The following GUCY1A1 variants were observed in gnomAD, a reference collection of about 807,000 sequenced individuals.
GUCY1A1 encodes guanylate cyclase 1 soluble subunit alpha 1.
Under a neutral mutation model 64.5 loss-of-function variants are expected in GUCY1A1, and 48 were observed. The ratio of observed to expected loss-of-function variants is 0.74; its 90% CI spans 0.59 to 0.95. The LOEUF is 0.95. Among genes scored for constraint, GUCY1A1 ranks in the 40% least tolerant of loss-of-function variants. GUCY1A1 has a pLI of 0.00. For synonymous variants in GUCY1A1, 308 were observed against 303.4 expected (o/e 1.02, Z -0.16); for missense variants, 804 against 825.3 (o/e 0.97, Z 0.32).
At chr4:155,677,990 A>T (rs1185152960) in intron 2 of GUCY1A1, among the ~76,000 whole-genome samples, 1 of 152,128 alleles carries the variant, frequency 6.6e-6, no homozygotes, top group African/African-American at 2.4e-5. Context: ...AAGACCAAGA[A>T]AAACTTCAAG....
At chr4:155,707,997 C>T (rs1732025789) in intron 4 of GUCY1A1, among the ~76,000 whole-genome samples, 1 of 152,040 alleles carries the variant, frequency 6.6e-6, no homozygotes, top group African/African-American at 2.4e-5. Flanking sequence ...CGCCACCATG[C>T]CCAGCTAATT....
rs1335342592 is a variant in GUCY1A1 at position 155,710,625 on chromosome 4, G to A, written c.460G>A (p.Val154Met). 4 of 1,613,548 alleles carry A rather than the reference G, an allele frequency of 2.5e-6. No individual in the cohort carries two copies. The highest frequency in any genetic ancestry group is 3.4e-6 in the Non-Finnish European group (4 of 1,179,530). Residue 154 changes from valine to methionine, a missense_variant, in exon 6 of 10, where the codon GTG (valine) becomes ATG (methionine). Val to Met is a conservative substitution (Grantham distance 21, BLOSUM62 1). Coordinates refer to ENST00000506455, the MANE Select transcript of GUCY1A1 (RefSeq NM_001130682.3). ...CYEEDENILGVVGGTLKDFLN... is the reference protein window; with the variant it reads ...CYEEDENILGMVGGTLKDFLN... ...CGAGGAAGATGAAAACATCCTTGGG[G>A]TGGTTGGAGGCACCCTTAAAGATTT...
At position 155,729,962 on chromosome 4, in the gene GUCY1A1, T is replaced by C. The variant is rs3796577; in HGVS notation, c.1872-68T>C. The C allele has an allele frequency of 4.5e-5, 41 of 910,768 alleles. No homozygotes were observed. In the East Asian group the frequency reaches 9.4e-4, roughly 21 times the overall value. The allele number at this position is 910,768 out of a possible 1,614,324, so 56.4% of individuals were successfully genotyped here. A position where few individuals can be genotyped will look rare whatever the true frequency, so the allele number is the denominator to read the frequency against. ...ATAAATATTCTCAGTAACATTCAGTTAGTTATGTTGTGTTCTTTTTTTGAG... is the reference window on the plus strand; with the variant it reads ...ATAAATATTCTCAGTAACATTCAGTCAGTTATGTTGTGTTCTTTTTTTGAG... On this transcript the variant is annotated intron_variant, in intron 9 of 9. Coordinates refer to ENST00000506455, the MANE Select transcript of GUCY1A1 (RefSeq NM_001130682.3).
intron 2 of GUCY1A1, among the ~76,000 whole-genome samples, chr4:155,680,186 A>G (rs999938314): frequency 6.6e-6 from 1 of 152,154 alleles, no homozygotes; most frequent in Non-Finnish European, 1.5e-5. Flanking sequence ...ATCTCTCCAT[A>G]TATTTAGACC....
chr4:155,672,248 C>T (rs772820300), intron 2 of GUCY1A1, among the ~76,000 whole-genome samples: 2 of 152,058 alleles, frequency 1.3e-5, no homozygotes, highest in Non-Finnish European at 2.9e-5. Context: ...CCATTTTCAC[C>T]AATTTAGAGG....
chr4:155,702,600 T>C (rs1163195991), intron 3 of GUCY1A1, among the ~76,000 whole-genome samples: 3 of 152,200 alleles, frequency 2.0e-5, no homozygotes, highest in African/African-American at 7.2e-5. Context: ...AGCTTTTCTT[T>C]CATCCTGTGG....
intron 2 of GUCY1A1, among the ~76,000 whole-genome samples, chr4:155,675,039 C>T (rs1443426843): frequency 1.3e-5 from 2 of 151,464 alleles, no homozygotes; most frequent in East Asian, 3.8e-4. Flanking sequence ...GGGAATTTTT[C>T]AGCCCCATTA....
At chr4:155,687,812 G>GC (rs1729189088) in intron 2 of GUCY1A1, among the ~76,000 whole-genome samples, 1 of 152,134 alleles carries the variant, frequency 6.6e-6, no homozygotes, top group African/African-American at 2.4e-5. Context: ...CAACTCCACT[G>GC]CCTCAGGGAA....
At chr4:155,668,499 G>A (rs919672265) in intron 2 of GUCY1A1, among the ~76,000 whole-genome samples, 2 of 152,046 alleles carry the variant, frequency 1.3e-5, no homozygotes, top group African/African-American at 4.8e-5. Context: ...TTCACTAAAT[G>A]CCTATTTAAT....
At chr4:155,682,988 T>C (rs1736020354) in intron 2 of GUCY1A1, among the ~76,000 whole-genome samples, 1 of 152,160 alleles carries the variant, frequency 6.6e-6, no homozygotes, top group Non-Finnish European at 1.5e-5. Context: ...TTTATTGAGA[T>C]TAGTTAATAT....
chr4:155,718,394 T>C (rs1368781613), intron 8 of GUCY1A1, among the ~76,000 whole-genome samples: 3 of 152,206 alleles, frequency 2.0e-5, no homozygotes, highest in South Asian at 2.1e-4. Context: ...TATGTTTCTG[T>C]GCAACATACT....
chr4:155,716,373 C>A (rs570305366), intron 7 of GUCY1A1, among the ~76,000 whole-genome samples: 1 of 152,050 alleles, frequency 6.6e-6, no homozygotes, highest in Non-Finnish European at 1.5e-5. Context: ...AAAAATGAAG[C>A]TCTTAGAATT....
intron 8 of GUCY1A1, among the ~76,000 whole-genome samples, chr4:155,721,091 T>C (rs6838927): frequency 0.4 from 60,207 of 151,776 alleles, 12,160 homozygotes; most frequent in African/African-American, 0.47. Flanking sequence ...TAGCAAGACC[T>C]TGTCTCTACA....
At chr4:155,713,791 G>T (rs1314821351) in intron 7 of GUCY1A1, among the ~76,000 whole-genome samples, 1 of 152,122 alleles carries the variant, frequency 6.6e-6, no homozygotes, top group Non-Finnish European at 1.5e-5. Context: ...AGAGATAATT[G>T]TTCTGGGAGG....
At chr4:155,677,487 T>A (rs1313012932) in intron 2 of GUCY1A1, among the ~76,000 whole-genome samples, 1 of 152,196 alleles carries the variant, frequency 6.6e-6, no homozygotes, top group Admixed American at 6.5e-5. Context: ...CAGTCCTAGA[T>A]AGTGCAGCCG....
chr4:155,722,503 T>C, intron 9 of GUCY1A1: 3 of 1,035,190 alleles, frequency 2.9e-6, no homozygotes, highest in African/African-American at 3.4e-5. Flanking sequence ...TGACATCAAC[T>C]AGTACACTGC....
At chr4:155,679,731 C>A (rs1037922993) in intron 2 of GUCY1A1, among the ~76,000 whole-genome samples, 1 of 152,200 alleles carries the variant, frequency 6.6e-6, no homozygotes, top group African/African-American at 2.4e-5. Context: ...TGGCATGGTC[C>A]ATTAAGATTT....
intron 2 of GUCY1A1, among the ~76,000 whole-genome samples, chr4:155,681,213 C>T (rs1735712624): frequency 6.6e-6 from 1 of 152,132 alleles, no homozygotes; most frequent in Non-Finnish European, 1.5e-5. Flanking sequence ...GCTTGTCTCA[C>T]TTGTTCTCAT....
intron 2 of GUCY1A1, among the ~76,000 whole-genome samples, chr4:155,688,943 T>C (rs1006398049): frequency 6.6e-6 from 1 of 151,824 alleles, no homozygotes; most frequent in Non-Finnish European, 1.5e-5. Context: ...TAAGACAGCC[T>C]TGAGTCTGCT....
Sources: gnomAD v4.1 joint callset for allele counts (sites outside exome capture counted in the v4.1 genomes callset) on GRCh38, gnomAD v4.1.1 for gene constraint, MANE v1.5 for transcripts, NCBI Gene and HGNC (gene_info 2026-07-23, HGNC 2026-07-21) for gene names.